The following PEX7 variants were observed in gnomAD, a reference collection of about 807,000 sequenced individuals.
The protein encoded by PEX7 is peroxisomal biogenesis factor 7.
PEX7 carries 34 observed loss-of-function variants against 47.5 expected under a neutral mutation model. The observed-to-expected ratio is 0.72, with a 90% CI of 0.54 to 0.95. The LOEUF (loss-of-function observed/expected upper bound fraction) is 0.95, where lower values mean the gene tolerates loss of function less well. Ranked by LOEUF, PEX7 falls within the 40% of genes least tolerant of loss-of-function variation. PEX7 has a pLI of 0.00. For missense variants in PEX7, 394 were observed against 400.3 expected (o/e 0.98, Z 0.13); for synonymous variants, 141 against 148.8 (o/e 0.95, Z 0.38).
intron 5 of PEX7, among the ~76,000 whole-genome samples, chr6:136,856,073 A>G (rs1774857101): frequency 6.6e-6 from 1 of 151,806 alleles, no homozygotes; most frequent in Non-Finnish European, 1.5e-5. Flanking sequence ...ACTGAATAAC[A>G]GAAGATGAAT....
Position 136,898,128 on chromosome 6 carries a change from A to T in PEX7, c.804-14A>T. The T allele has an allele frequency of 6.7e-7, 1 of 1,485,434 alleles. No homozygotes were observed. The highest frequency in any genetic ancestry group is 9.4e-7 in the Non-Finnish European group (1 of 1,062,914). The allele number at this position is 1,485,434 out of a possible 1,614,324, so 92.0% of individuals were successfully genotyped here. Reference sequence around the variant, plus strand: ...TTTAGCATTTAAATTATTCCCTTTTATTTATCTTCACAGATTCTGGAACTT... The same window carrying T: ...TTTAGCATTTAAATTATTCCCTTTTTTTTATCTTCACAGATTCTGGAACTT... On this transcript the variant is annotated splice_polypyrimidine_tract_variant and intron_variant, in intron 8 of 9. Transcript: ENST00000318471.
chr6:136,826,691 G>A (rs1774199412), intron 3 of PEX7, among the ~76,000 whole-genome samples: 1 of 151,804 alleles, frequency 6.6e-6, no homozygotes, highest in Non-Finnish European at 1.5e-5. Flanking sequence ...TTCTCATTAG[G>A]CAGAAAGAAC....
intron 5 of PEX7, among the ~76,000 whole-genome samples, chr6:136,865,453 C>T (rs895435930): frequency 1.3e-5 from 2 of 152,154 alleles, no homozygotes; most frequent in African/African-American, 4.8e-5. Context: ...CACCCGCCAC[C>T]ACCACGCCCA....
Position 136,868,131 on chromosome 6 carries a change from A to G in PEX7, c.633+1398A>G, listed in dbSNP as rs576762358. Among the ~76,000 whole-genome samples the G allele has an allele frequency of 2.0e-5, 3 of 152,336 alleles. 1 individual carries two copies. The South Asian group carries it at 6.2e-4, about 32-fold the overall frequency. On this transcript the variant is annotated intron_variant, in intron 6 of 9. Transcript: ENST00000318471. The stretch of plus-strand genomic sequence containing the variant: ...ACAGTAACATGCTGGACAGGCATGT[A>G]GCCTAGGAGCAATAGGCTGTTTCAT...
At chr6:136,881,002 A>G (rs568523219) in intron 8 of PEX7, among the ~76,000 whole-genome samples, 1 of 152,224 alleles carries the variant, frequency 6.6e-6, no homozygotes, top group Non-Finnish European at 1.5e-5. Context: ...GAACTAACGA[A>G]TGGCAACACA....
At chr6:136,911,916 T>C (rs1301536612) in intron 9 of PEX7, among the ~76,000 whole-genome samples, 1 of 152,232 alleles carries the variant, frequency 6.6e-6, no homozygotes, top group Non-Finnish European at 1.5e-5. Context: ...CAGCAATGTA[T>C]GTGATCACAG....
At chr6:136,838,187 T>A (rs894620182) in intron 3 of PEX7, among the ~76,000 whole-genome samples, 1 of 152,144 alleles carries the variant, frequency 6.6e-6, no homozygotes, top group East Asian at 1.9e-4. Context: ...CTGTGAACAA[T>A]CTTAGGATCA....
intron 3 of PEX7, among the ~76,000 whole-genome samples, chr6:136,841,272 A>G (rs901946151): frequency 3.3e-5 from 5 of 152,166 alleles, no homozygotes; most frequent in African/African-American, 1.2e-4. Flanking sequence ...TGTCACCTCA[A>G]ACTCAGTATA....
intron 9 of PEX7, among the ~76,000 whole-genome samples, chr6:136,901,814 T>C (rs2115280225): frequency 6.6e-6 from 1 of 152,318 alleles, no homozygotes; most frequent in African/African-American, 2.4e-5. Context: ...AGATGGAATG[T>C]TGCTCTTGTT....
intron 3 of PEX7, among the ~76,000 whole-genome samples, chr6:136,839,415 TA>T (rs1774453708): frequency 6.6e-6 from 1 of 152,196 alleles, no homozygotes; most frequent in Admixed American, 6.5e-5. Context: ...TTGGTTTCAG[TA>T]ATAAAATTTG....
intron 3 of PEX7, among the ~76,000 whole-genome samples, chr6:136,832,855 C>T (rs934892317): frequency 6.6e-6 from 1 of 152,172 alleles, no homozygotes; most frequent in African/African-American, 2.4e-5. Context: ...TATTTGAGAC[C>T]ACCTCAGCCT....
At chr6:136,866,605 A>T in intron 5 of PEX7, 22 bp from the exon 6 acceptor site, 1 of 1,593,136 alleles carries the variant, frequency 6.3e-7, no homozygotes, top group South Asian at 1.1e-5. Context: ...ATGGGAAATG[A>T]TCAAGTCTTC....
intron 3 of PEX7, among the ~76,000 whole-genome samples, chr6:136,837,704 C>T (rs564945024): frequency 3.3e-5 from 5 of 152,076 alleles, no homozygotes; most frequent in South Asian, 4.2e-4. Context: ...TATGAAAGGC[C>T]GCTGGAGACA....
Position 136,913,790 on chromosome 6 carries a change from G to T in PEX7, c.*264G>T, listed in dbSNP as rs2115300660. On this transcript the variant is annotated 3_prime_UTR_variant, in exon 10 of 10. Transcript: ENST00000318471. The stretch of plus-strand genomic sequence containing the variant: ...GTAGTATCTATTAAAATGTCTCTGG[G>T]TCATAAAATGGATTAAAATATGGGA... 1 of 396,074 alleles carries T rather than the reference G, an allele frequency of 2.5e-6. No individual in the cohort carries two copies. Among genetic ancestry groups the T allele is most frequent in the South Asian group, 3.4e-5 (1 of 29,600 alleles). 24.5% of individuals were successfully genotyped at this position (396,074 alleles called of 1,614,324 possible).
chr6:136,856,289 A>G (rs139261166), intron 5 of PEX7, among the ~76,000 whole-genome samples: 2 of 143,260 alleles, frequency 1.4e-5, no homozygotes, highest in Non-Finnish European at 3.0e-5. Context: ...TTTGGTTGAA[A>G]GTAAAAAAAA....
At chr6:136,840,151 A>G (rs1253779510) in intron 3 of PEX7, among the ~76,000 whole-genome samples, 1 of 152,222 alleles carries the variant, frequency 6.6e-6, no homozygotes, top group Non-Finnish European at 1.5e-5. Flanking sequence ...TGCAGATTTT[A>G]AAAATCAATG....
intron 3 of PEX7, among the ~76,000 whole-genome samples, chr6:136,833,854 A>G (rs1283383293): frequency 1.3e-5 from 2 of 152,212 alleles, no homozygotes; most frequent in Non-Finnish European, 1.5e-5. Context: ...GACTTGTATT[A>G]AAAAAGGCAG....
chr6:136,896,525 T>C (rs934501700), intron 8 of PEX7, among the ~76,000 whole-genome samples: 2 of 152,192 alleles, frequency 1.3e-5, no homozygotes, highest in Non-Finnish European at 2.9e-5. Flanking sequence ...CCAGGAGCAG[T>C]TTGGTTGTGG....
chr6:136,899,392 G>T (rs941903977), intron 9 of PEX7, among the ~76,000 whole-genome samples: 1 of 152,094 alleles, frequency 6.6e-6, no homozygotes, highest in African/African-American at 2.4e-5. Flanking sequence ...ACAGGCACAT[G>T]CCACCATGCC....
Sources: gnomAD v4.1 joint callset for allele counts (sites outside exome capture counted in the v4.1 genomes callset) on GRCh38, gnomAD v4.1.1 for gene constraint, MANE v1.5 for transcripts, NCBI Gene and HGNC (gene_info 2026-07-23, HGNC 2026-07-21) for gene names.